Variants in LEMD3 observed in about 807,000 individuals in gnomAD.
LEMD3 encodes inner nuclear membrane protein Man1.
In LEMD3, 33 loss-of-function variants were observed where a neutral mutation model predicts 95.2. The observed-to-expected ratio is 0.35, with a 90% CI of 0.26 to 0.46. The LOEUF is 0.46. LEMD3 is among the 20% of genes least tolerant of loss of function. LEMD3 has a pLI of 1.00. For synonymous variants in LEMD3, 525 were observed against 474.6 expected, an observed-to-expected ratio of 1.11 and a Z score of -1.38; for missense variants, 1,210 against 1,192.8, an observed-to-expected ratio of 1.01 and a Z score of -0.21.
chr12:65,198,679 G>T (rs1869504423), intron 1 of LEMD3, among the ~76,000 whole-genome samples: 1 of 152,018 alleles, frequency 6.6e-6, no homozygotes, highest in South Asian at 2.1e-4. Context: ...TGTAGAATTT[G>T]CATATAACCC....
chr12:65,238,332 A>G (rs1870829908), intron 4 of LEMD3, among the ~76,000 whole-genome samples, 170 bp from the exon 5 acceptor site: 1 of 152,156 alleles, frequency 6.6e-6, no homozygotes, highest in Admixed American at 6.6e-5. Flanking sequence ...TAGTGGGAAA[A>G]TGCTAACTTT....
intron 8 of LEMD3, chr12:65,240,573 C>T (rs1870905139): frequency 4.4e-5 from 18 of 407,168 alleles, no homozygotes; most frequent in South Asian, 2.6e-4. Context: ...TTTTTAAGTA[C>T]TAACTTTATT....
At position 65,169,779 on chromosome 12, in the gene LEMD3, C is replaced by T. The variant is rs1400541293; in HGVS notation, c.183C>T (p.Asn61=). ...AGCACCGGTCAGGGGGCCGCGGCAA[C>T]AAGACGCGGAACAGTAATAACAATA... is the stretch of plus-strand genomic sequence containing the variant. ...QQQHRSGGRG[N]KTRNSNNNNT... is the part of the protein sequence containing the mutation. Residue 61 remains asparagine, a synonymous_variant, in exon 1 of 13, where the codon AAC becomes AAT. Coordinates refer to ENST00000308330, the MANE Select transcript of LEMD3 (RefSeq NM_014319.5). 5 of 1,578,940 alleles carry T rather than the reference C, an allele frequency of 3.2e-6. No homozygotes were observed. Among genetic ancestry groups the T allele is most frequent in the South Asian group, 1.1e-5 (1 of 87,570 alleles).
intron 1 of LEMD3, among the ~76,000 whole-genome samples, chr12:65,207,263 C>CTT (rs1869792249): frequency 6.6e-6 from 1 of 151,978 alleles, no homozygotes; most frequent in Non-Finnish European, 1.5e-5. Context: ...TTCTAGGAGA[C>CTT]CATAGTATGC....
At chr12:65,188,016 C>G (rs1869119001) in intron 1 of LEMD3, among the ~76,000 whole-genome samples, 1 of 152,106 alleles carries the variant, frequency 6.6e-6, no homozygotes, top group Non-Finnish European at 1.5e-5. Flanking sequence ...AAGGATCAAT[C>G]TTACTGACTT....
chr12:65,228,056 G>A (rs1870509140), intron 4 of LEMD3, among the ~76,000 whole-genome samples: 1 of 152,106 alleles, frequency 6.6e-6, no homozygotes, highest in Admixed American at 6.5e-5. Context: ...GACAAGATAG[G>A]ACCTGACCAG....
rs1053512283 is a variant in LEMD3 at position 65,194,693 on chromosome 12, A to G, written c.1523-16233A>G. The stretch of plus-strand genomic sequence containing the variant: ...TCGCCAGGATAATGTCTGGTAATTG[A>G]TATCTATACCTTAGCAGAATTTGGG... On this transcript the variant is annotated intron_variant, in intron 1 of 12. Transcript: ENST00000308330. Among the ~76,000 whole-genome samples, 3 of 151,890 alleles carry G rather than the reference A, an allele frequency of 2.0e-5. No homozygotes were observed. In the South Asian group the frequency reaches 6.2e-4, roughly 32 times the overall value.
chr12:65,191,161 T>C (rs371131862), intron 1 of LEMD3, among the ~76,000 whole-genome samples: 2 of 151,988 alleles, frequency 1.3e-5, no homozygotes, highest in Admixed American at 1.3e-4. Flanking sequence ...CTTAAAGTTA[T>C]AAGAAACCTG....
At chr12:65,245,575 C>A in intron 10 of LEMD3, 94 bp from the exon 11 acceptor site, 1 of 857,438 alleles carries the variant, frequency 1.2e-6, no homozygotes, top group East Asian at 2.6e-5. Context: ...AAAACTATAC[C>A]AATTCTAGTA....
chr12:65,217,594 A>G (rs1043583626), intron 3 of LEMD3, among the ~76,000 whole-genome samples: 2 of 152,350 alleles, frequency 1.3e-5, no homozygotes, highest in South Asian at 2.1e-4. Flanking sequence ...TGAAAGACAC[A>G]GGGAAGGGAA....
intron 4 of LEMD3, among the ~76,000 whole-genome samples, chr12:65,220,830 T>C (rs1870262515): frequency 6.6e-6 from 1 of 152,224 alleles, no homozygotes; most frequent in Non-Finnish European, 1.5e-5. Context: ...GAGATTGTCA[T>C]TTCTCCATTG....
chr12:65,223,922 C>G (rs1870371897), intron 4 of LEMD3, among the ~76,000 whole-genome samples: 1 of 148,216 alleles, frequency 6.7e-6, no homozygotes, highest in Non-Finnish European at 1.5e-5. Flanking sequence ...ACTATTGGGG[C>G]TTATATAAAT....
In LEMD3 at chr12:65,170,081, G is replaced by A. The variant is rs967905005; in HGVS notation, c.485G>A (p.Arg162Gln). 1 of 1,484,590 alleles carries A rather than the reference G, an allele frequency of 6.7e-7. No individual in the cohort carries two copies. Among genetic ancestry groups the A allele is most frequent in the Non-Finnish European group, 8.9e-7 (1 of 1,127,312 alleles). The allele number at this position is 1,484,590 out of a possible 1,614,324, so 92.0% of individuals were successfully genotyped here. A position where few individuals can be genotyped will look rare whatever the true frequency, so the allele number is the denominator to read the frequency against. ...GCCGGCGGCGGCGGGAGGAAAGACC[G>A]GGCTTCGCTCCAGTACCGCGGGCTC... ...DQAGGGGRKD[R>Q]ASLQYRGLKA... The change falls in exon 1 of 13, where the codon CGG becomes CAG. Residue 162 changes from arginine to glutamine, a missense_variant. Physicochemically the swap from Arg to Gln is conservative, Grantham distance 43. Coordinates refer to ENST00000308330, the MANE Select transcript of LEMD3 (RefSeq NM_014319.5).
At chr12:65,173,737 TTAACC>T (rs1443949114) in intron 1 of LEMD3, among the ~76,000 whole-genome samples, 4 of 152,230 alleles carry the variant, frequency 2.6e-5, no homozygotes, top group Non-Finnish European at 4.4e-5. Flanking sequence ...AGTGCATTTC[TTAACC>T]TAACATTTGA....
rs760605681 is a variant in LEMD3, at chr12:65,170,531, G to A, written c.935G>A (p.Gly312Glu). The part of the protein sequence containing the change: ...AGGRLETSVQ[G>E]GGGLAMNDRA... ...GGCAGGCTGGAGACTTCAGTTCAGG[G>A]AGGGGGAGGACTCGCGATGAATGAC... is the stretch of plus-strand genomic sequence containing the variant. Residue 312 changes from glycine to glutamate, a missense_variant, in exon 1 of 13, where the codon GGA becomes GAA. Around this residue, in one of 2 missense-constraint regions of LEMD3, gnomAD observed 749 missense variants for 622.9 expected, o/e 1.20. Transcript: ENST00000308330. The A allele has an allele frequency of 6.2e-7, 1 of 1,614,108 alleles. No homozygotes were observed. The highest frequency in any genetic ancestry group is 1.1e-5 in the South Asian group (1 of 91,086).
At chr12:65,172,260 A>C (rs1031409629) in intron 1 of LEMD3, among the ~76,000 whole-genome samples, 1 of 152,222 alleles carries the variant, frequency 6.6e-6, no homozygotes, top group African/African-American at 2.4e-5. Context: ...TTCTGAATAC[A>C]TAATTTCTCA....
In LEMD3 at chr12:65,212,551, A is replaced by AT. The variant is rs1224270808; in HGVS notation, c.1560+1588_1560+1589insT. On this transcript the variant is annotated intron_variant, in intron 2 of 12. Coordinates refer to ENST00000308330, the MANE Select transcript of LEMD3 (RefSeq NM_014319.5). ...GACTCCATCTCAAAAAAAAAAAAAA[A>AT]AAAAATTCCTTGAAGAGAAAATTGG... Among the ~76,000 whole-genome samples the AT allele has an allele frequency of 2.0e-5, 3 of 151,834 alleles. No homozygotes were observed. The East Asian group carries it at 5.8e-4, about 29-fold the overall frequency.
At chr12:65,192,099 G>A (rs1395572532) in intron 1 of LEMD3, among the ~76,000 whole-genome samples, 22 of 147,508 alleles carry the variant, frequency 1.5e-4, no homozygotes, top group African/African-American at 5.3e-4. Context: ...AAGTTACACA[G>A]TTGCTTAAAA....
chr12:65,240,298 T>C (rs1374802072), intron 8 of LEMD3, 60 bp downstream of exon 8: 6 of 1,215,740 alleles, frequency 4.9e-6, no homozygotes, highest in Non-Finnish European at 6.1e-6. Context: ...TTCTGCAGTA[T>C]TGAAAATTAT....
Sources: gnomAD v4.1 joint callset for allele counts (sites outside exome capture counted in the v4.1 genomes callset) on GRCh38, gnomAD v4.1.1 for gene constraint, gnomAD v4.1.1 regional missense constraint, MANE v1.5 for transcripts, NCBI Gene and HGNC (gene_info 2026-07-23, HGNC 2026-07-21) for gene names.